The following NIBAN1 variants were observed in gnomAD, a reference collection of about 807,000 sequenced individuals.
NIBAN1 encodes the protein niban apoptosis regulator 1.
NIBAN1 carries 81 observed loss-of-function variants against 75.1 expected under a neutral mutation model. The ratio of observed to expected loss-of-function variants is 1.08; its 90% CI spans 0.90 to 1.30. The LOEUF (loss-of-function observed/expected upper bound fraction) is 1.30. Ranked by LOEUF, NIBAN1 falls within the 50% of genes most tolerant of loss-of-function variation. The pLI is 0.00. For synonymous variants in NIBAN1, 436 were observed against 424.8 expected (o/e 1.03, Z -0.32); for missense variants, 1,133 against 1,128.1 (o/e 1.00, Z -0.06).
intron 9 of NIBAN1, among the ~76,000 whole-genome samples, chr1:184,817,831 A>G (rs774516996): frequency 6.6e-6 from 1 of 152,250 alleles, no homozygotes; most frequent in Non-Finnish European, 1.5e-5. Context: ...CTAACTTAGT[A>G]GTATGCACCT....
intron 8 of NIBAN1, among the ~76,000 whole-genome samples, chr1:184,820,685 C>T (rs1654672708): frequency 6.6e-6 from 1 of 152,260 alleles, no homozygotes; most frequent in African/African-American, 2.4e-5. Flanking sequence ...AAGGAAGGAG[C>T]TGAACAGAGC....
At chr1:184,834,250 G>C (rs546716860) in intron 5 of NIBAN1, among the ~76,000 whole-genome samples, 1 of 152,104 alleles carries the variant, frequency 6.6e-6, no homozygotes, top group Non-Finnish European at 1.5e-5. Context: ...TCTTAATCCA[G>C]TCTATCATTG....
intron 1 of NIBAN1, among the ~76,000 whole-genome samples, chr1:184,946,218 T>G (rs1171032646): frequency 6.6e-6 from 1 of 152,240 alleles, no homozygotes; most frequent in Non-Finnish European, 1.5e-5. Context: ...AAAGGAGAAC[T>G]GCTCCCCTAT....
In NIBAN1 at chr1:184,842,679, G is replaced by A. The variant is rs1032864749; in HGVS notation, c.602-10717C>T. On this transcript the variant is annotated intron_variant, in intron 5 of 13. Transcript: ENST00000367511. The stretch of plus-strand genomic sequence containing the variant: ...GAGGCAGGAGAATCACTTGAACCCG[G>A]GAGGCGGAGGTTGCAGTGAGCCGAG... Among the ~76,000 whole-genome samples, 5 of 136,596 alleles carry A rather than the reference G, an allele frequency of 3.7e-5. No individual in the cohort carries two copies. In the Admixed American group the frequency reaches 3.8e-4, roughly 10 times the overall value. The allele number at this position is 136,596 out of a possible 152,430, so 89.6% of individuals were successfully genotyped here.
intron 6 of NIBAN1, among the ~76,000 whole-genome samples, chr1:184,830,493 G>A (rs957147383): frequency 2.1e-4 from 31 of 149,528 alleles, no homozygotes; most frequent in Admixed American, 8.6e-4. Flanking sequence ...CTACCAGACA[G>A]AAAAAAAAAG....
chr1:184,798,930 T>A (rs967057051), intron 12 of NIBAN1, among the ~76,000 whole-genome samples: 1 of 152,210 alleles, frequency 6.6e-6, no homozygotes, highest in Non-Finnish European at 1.5e-5. Flanking sequence ...TTTTTATTGT[T>A]AAGTAGTATT....
chr1:184,908,295 C>T (rs1483061819), intron 1 of NIBAN1, among the ~76,000 whole-genome samples: 3 of 152,198 alleles, frequency 2.0e-5, no homozygotes, highest in Non-Finnish European at 4.4e-5. Context: ...TATATATCAG[C>T]TCCAATGGGT....
intron 5 of NIBAN1, among the ~76,000 whole-genome samples, chr1:184,865,955 A>C (rs1655945214): frequency 6.6e-6 from 1 of 152,120 alleles, no homozygotes; most frequent in Non-Finnish European, 1.5e-5. Flanking sequence ...AGTAAAATAG[A>C]CCTTTCTCCT....
At chr1:184,806,148 C>T in intron 10 of NIBAN1, 92 bp from the exon 11 acceptor site, 2 of 956,418 alleles carry the variant, frequency 2.1e-6, no homozygotes, top group East Asian at 2.5e-5. Flanking sequence ...AGAGTAGGGG[C>T]CATCAGAGAT....
At chr1:184,812,845 T>C (rs947689240) in intron 9 of NIBAN1, among the ~76,000 whole-genome samples, 4 of 152,238 alleles carry the variant, frequency 2.6e-5, no homozygotes, top group African/African-American at 4.8e-5. Context: ...TTCTTTCTGG[T>C]TGAATATCTG....
intron 1 of NIBAN1, among the ~76,000 whole-genome samples, chr1:184,904,790 A>G (rs970336969): frequency 6.6e-6 from 1 of 152,114 alleles, no homozygotes; most frequent in African/African-American, 2.4e-5. Context: ...GTCTCTACCA[A>G]AAATACAAAA....
intron 1 of NIBAN1, among the ~76,000 whole-genome samples, chr1:184,920,611 T>G (rs999128825): frequency 6.6e-6 from 1 of 152,190 alleles, no homozygotes; most frequent in African/African-American, 2.4e-5. Context: ...TGAACTTTTT[T>G]AAGCTTCCAC....
chr1:184,900,930 G>A (rs1055120676), intron 1 of NIBAN1, among the ~76,000 whole-genome samples: 7 of 152,150 alleles, frequency 4.6e-5, no homozygotes, highest in African/African-American at 1.7e-4. Flanking sequence ...TGATATTATA[G>A]TCAATAAAGA....
intron 2 of NIBAN1, 64 bp from the exon 3 acceptor site, chr1:184,894,270 T>G: frequency 6.8e-7 from 1 of 1,476,618 alleles, no homozygotes; most frequent in Non-Finnish European, 9.0e-7. Flanking sequence ...TACCACAAAG[T>G]TATCCATGCT....
chr1:184,827,956 T>G (rs944143080), intron 6 of NIBAN1, among the ~76,000 whole-genome samples: 2 of 150,084 alleles, frequency 1.3e-5, no homozygotes, highest in African/African-American at 2.4e-5. Context: ...TAGTTTTGTT[T>G]TTTGTTTTTT....
intron 5 of NIBAN1, among the ~76,000 whole-genome samples, chr1:184,869,758 T>A (rs891003441): frequency 6.6e-6 from 1 of 152,112 alleles, no homozygotes; most frequent in Non-Finnish European, 1.5e-5. Context: ...GCCAGGCTAG[T>A]CTCAAACTCC....
At chr1:184,834,892 C>T (rs890834863) in intron 5 of NIBAN1, among the ~76,000 whole-genome samples, 3 of 152,082 alleles carry the variant, frequency 2.0e-5, no homozygotes, top group African/African-American at 4.8e-5. Flanking sequence ...GCTTTTGTTG[C>T]CATTGCTTTT....
intron 1 of NIBAN1, among the ~76,000 whole-genome samples, chr1:184,941,965 ACT>A (rs1280490093): frequency 6.6e-6 from 1 of 151,916 alleles, no homozygotes; most frequent in Non-Finnish European, 1.5e-5. Context: ...TCATTCTGCG[ACT>A]CTCTGAGTAA....
intron 2 of NIBAN1, among the ~76,000 whole-genome samples, chr1:184,897,303 T>A (rs1427909633): frequency 6.6e-6 from 1 of 151,664 alleles, no homozygotes; most frequent in Non-Finnish European, 1.5e-5. Context: ...TGTGTGTGTG[T>A]GTGTGTGTGT....
Sources: allele counts gnomAD v4.1 joint callset (sites outside exome capture counted in the v4.1 genomes callset), GRCh38; gene constraint gnomAD v4.1.1; transcripts MANE v1.5; gene names NCBI Gene and HGNC (gene_info 2026-07-23, HGNC 2026-07-21).